NCKAP1L: variants seen among roughly 807,000 people sequenced by gnomAD.
The protein encoded by NCKAP1L is NCK associated protein 1 like, also known as nck-associated protein 1-like.
In NCKAP1L, 53 loss-of-function variants were observed where a neutral mutation model predicts 139.2. That is an observed-to-expected ratio of 0.38 (90% CI 0.31 to 0.48). The LOEUF is 0.48. Ranked by LOEUF, NCKAP1L falls within the 20% of genes least tolerant of loss-of-function variation. The probability of loss-of-function intolerance (pLI) is 0.98; values close to 1 mark genes in which losing one functional copy is unlikely to be tolerated. For missense variants in NCKAP1L, 1,151 were observed against 1,381.9 expected, an observed-to-expected ratio of 0.83 and a Z score of 2.65; for synonymous variants, 468 against 499.7, an observed-to-expected ratio of 0.94 and a Z score of 0.85.
At chr12:54,519,115 CTG>C (rs920276231) in intron 15 of NCKAP1L, 70 bp from the exon 16 acceptor site, 11 of 1,564,208 alleles carry the variant, frequency 7.0e-6, no homozygotes, top group Non-Finnish European at 9.5e-6. Flanking sequence ...TCAGGCCAAA[CTG>C]TAATTCCAAG....
At position 54,531,589 on chromosome 12, in the gene NCKAP1L, G is replaced by A. The variant is rs758792552; in HGVS notation, c.2698+5G>A. ...CCCTGCTGCCCCAGCTGACAGGTAAGCATCCTCTTCCCCTATAGTGAGAAG... is the reference window on the plus strand; with the variant it reads ...CCCTGCTGCCCCAGCTGACAGGTAAACATCCTCTTCCCCTATAGTGAGAAG... On this transcript the variant is annotated splice_donor_5th_base_variant and intron_variant, in intron 24 of 30. Coordinates refer to ENST00000293373, the MANE Select transcript of NCKAP1L (RefSeq NM_005337.5). The A allele has an allele frequency of 6.2e-7, 1 of 1,614,044 alleles. No individual in the cohort carries two copies. The highest frequency in any genetic ancestry group is 1.1e-5 in the South Asian group (1 of 91,084).
chr12:54,519,020 C>T (rs951772661), intron 15 of NCKAP1L, 48 bp downstream of exon 15: 6 of 1,571,718 alleles, frequency 3.8e-6, no homozygotes, highest in Admixed American at 3.4e-5. Flanking sequence ...ATTCTTCCTC[C>T]CCCACAATCC....
chr12:54,536,098 T>G, intron 27 of NCKAP1L, 31 bp from the exon 28 acceptor site: 1 of 1,513,598 alleles, frequency 6.6e-7, no homozygotes, highest in South Asian at 1.1e-5. Context: ...CTTTATTCAC[T>G]TTTCCTCTTT....
At chr12:54,498,434 T>TGTGTGTGTGTGTGTGTGTGTG (rs71070823) in intron 1 of NCKAP1L, among the ~76,000 whole-genome samples, 2 of 149,566 alleles carry the variant, frequency 1.3e-5, no homozygotes, top group African/African-American at 5.0e-5. Flanking sequence ...TGTGTGTGTG[T>TGTGTGTGTGTGTGTGTGTGTG]TTAGAATAGG....
rs1956931379 is a variant in NCKAP1L at position 54,516,350 on chromosome 12, A to C, written c.998+55A>C. On this transcript the variant is annotated intron_variant, in intron 10 of 30. Transcript: ENST00000293373. ...GGGGATGGAATAGGAATCTCTTCTC[A>C]CTTTTGTTCTCACCTAAGCCATCCT... is the stretch of plus-strand genomic sequence containing the variant. The C allele has an allele frequency of 2.9e-5, 45 of 1,549,154 alleles. No homozygotes were observed. The South Asian group carries it at 3.7e-4, about 13-fold the overall frequency.
chr12:54,508,287 C>A (rs1956858698), intron 4 of NCKAP1L, 102 bp from the exon 5 acceptor site: 2 of 1,162,386 alleles, frequency 1.7e-6, no homozygotes, highest in Non-Finnish European at 2.5e-6. Context: ...TAAATAGATT[C>A]ACTCGGAATA....
chr12:54,522,509 G>C (rs955195724), intron 18 of NCKAP1L, among the ~76,000 whole-genome samples: 5 of 152,126 alleles, frequency 3.3e-5, no homozygotes, highest in Admixed American at 2.0e-4. Flanking sequence ...CATTACTAGT[G>C]GAATTACATA....
intron 9 of NCKAP1L, chr12:54,512,338 C>A: frequency 2.6e-6 from 1 of 380,418 alleles, no homozygotes; most frequent in South Asian, 3.7e-5. Context: ...AACTAGATTG[C>A]TTGGGTTTGA....
chr12:54,512,115 A>C lies in NCKAP1L; in HGVS notation c.941+10A>C, dbSNP rs749643468. 1.2e-5 allele frequency: 19 copies of C among 1,613,242 alleles called. No homozygotes were observed. The highest frequency in any genetic ancestry group is 1.7e-5 in the Admixed American group (1 of 59,950). ...TTAGCAGTTTGAAAGGGTGAGAGACACGAGAGCCAAACTGATCTTCCTTGA... is the reference window on the plus strand; with the variant it reads ...TTAGCAGTTTGAAAGGGTGAGAGACCCGAGAGCCAAACTGATCTTCCTTGA... On this transcript the variant is annotated intron_variant, in intron 9 of 30. Transcript: ENST00000293373.
At chr12:54,537,191 C>T in intron 29 of NCKAP1L, 138 bp downstream of exon 29, 1 of 556,552 alleles carries the variant, frequency 1.8e-6, no homozygotes. Context: ...GAGTGAGAAG[C>T]TACTATGTGA....
chr12:54,511,813 A>G lies in NCKAP1L; in HGVS notation c.746A>G (p.Glu249Gly). The G allele has an allele frequency of 6.2e-7, 1 of 1,614,216 alleles. No individual in the cohort carries two copies. The highest frequency in any genetic ancestry group is 8.5e-7 in the Non-Finnish European group (1 of 1,180,028). ...NPANSDTMAC[E>G]YLSVEVMERW... Reference sequence around the variant, plus strand: ...CTTCTCTTCTCACAGATGGCCTGTGAGTATCTGTCTGTGGAAGTAATGGAG... The same window carrying G: ...CTTCTCTTCTCACAGATGGCCTGTGGGTATCTGTCTGTGGAAGTAATGGAG... Residue 249 changes from glutamate (E) to glycine (G), a missense_variant, in exon 8 of 31, where the codon GAG becomes GGG. Transcript: ENST00000293373.
At position 54,499,440 on chromosome 12, in the gene NCKAP1L, C is replaced by T; in HGVS notation, c.188C>T (p.Pro63Leu). Residue 63 changes from proline to leucine, a missense_variant, in exon 2 of 31, where the codon CCC becomes CTC. Pro to Leu is a moderately conservative substitution (Grantham distance 98). Transcript: ENST00000293373. The part of the protein sequence containing the change: ...PSLKYINKKF[P>L]NIDVRNSTQH... ...CTCAAGTATATCAACAAGAAATTTC[C>T]CAACATAGATGTCCGAAACAGCACG... 1 of 1,601,448 alleles carries T rather than the reference C, an allele frequency of 6.2e-7. No individual in the cohort carries two copies. Among genetic ancestry groups the T allele is most frequent in the Non-Finnish European group, 8.6e-7 (1 of 1,168,542 alleles).
chr12:54,521,184 G>T lies in NCKAP1L; in HGVS notation c.1824G>T (p.Gln608His). ...CCTTCCTGGAAGAGTTGGCCAAGCA[G>T]ACCAGCAATTGCGTCCTGGAGATCT... Reference protein sequence around the residue: ...CNSFLEELAKQTSNCVLEICA... With the variant: ...CNSFLEELAKHTSNCVLEICA... The change falls in exon 18 of 31, where the codon CAG becomes CAT. Residue 608 changes from glutamine (Q) to histidine (H), a missense_variant. Gln to His is a conservative substitution (Grantham distance 24). Coordinates refer to ENST00000293373, the MANE Select transcript of NCKAP1L (RefSeq NM_005337.5). The T allele has an allele frequency of 6.2e-7, 1 of 1,614,100 alleles. No homozygotes were observed. Among genetic ancestry groups the T allele is most frequent in the South Asian group, 1.1e-5 (1 of 91,062 alleles).
rs1450538736 is a variant in NCKAP1L at position 54,543,732 on chromosome 12, C to T, written c.*1047C>T. ...ATTAGAATTTCAAGCGTCACAGAGC[C>T]TGGGGGCTTTCAAGATAGCACTAAA... On this transcript the variant is annotated 3_prime_UTR_variant, in exon 31 of 31. Transcript: ENST00000293373. 2 of 152,214 alleles carry T rather than the reference C, an allele frequency of 1.3e-5. No homozygotes were observed. Among genetic ancestry groups the T allele is most frequent in the Admixed American group, 6.5e-5 (1 of 15,288 alleles). The allele number at this position is 152,214 out of a possible 1,614,324, so 9.4% of individuals were successfully genotyped here. A position where few individuals can be genotyped will look rare whatever the true frequency, so the allele number is the denominator to read the frequency against.
intron 3 of NCKAP1L, among the ~76,000 whole-genome samples, chr12:54,506,234 C>T (rs1363236984): frequency 6.6e-6 from 1 of 152,084 alleles, no homozygotes; most frequent in Non-Finnish European, 1.5e-5. Flanking sequence ...TATCTTCCCA[C>T]CAGTAATGTA....
At chr12:54,525,044 A>T (rs1957016400) in intron 20 of NCKAP1L, among the ~76,000 whole-genome samples, 1 of 152,212 alleles carries the variant, frequency 6.6e-6, no homozygotes, top group Admixed American at 6.5e-5. Flanking sequence ...AGGGACATGG[A>T]GAAAGACAGT....
chr12:54,536,944 G>C lies in NCKAP1L; in HGVS notation c.3074G>C (p.Gly1025Ala). Residue 1025 changes from glycine to alanine, a missense_variant and splice_region_variant, in exon 29 of 31, where the codon GGT (glycine) becomes GCT (alanine). Transcript: ENST00000293373. ...PSSFYSIEKD[G>A]YNNNIHCLTK... ...TCCATCTATATCAATAATAACCTAG[G>C]TTACAACAACAATATTCATTGCTTG... 6.2e-7 allele frequency: 1 copy of C among 1,605,646 alleles called. No homozygotes were observed. Among genetic ancestry groups the C allele is most frequent in the African/African-American group, 1.3e-5 (1 of 74,762 alleles).
intron 21 of NCKAP1L, among the ~76,000 whole-genome samples, chr12:54,527,173 T>C (rs146404421): frequency 1.3e-5 from 2 of 152,296 alleles, no homozygotes; most frequent in Non-Finnish European, 2.9e-5. Context: ...GATGTGACTA[T>C]TGTTCTTAAT....
At chr12:54,512,911 A>G (rs1449519368) in intron 9 of NCKAP1L, among the ~76,000 whole-genome samples, 4 of 152,200 alleles carry the variant, frequency 2.6e-5, no homozygotes, top group Admixed American at 2.6e-4. Context: ...TTGAGGCAAC[A>G]AAGAGCATGG....
Sources: allele counts gnomAD v4.1 joint callset (sites outside exome capture counted in the v4.1 genomes callset), GRCh38; gene constraint gnomAD v4.1.1; transcripts MANE v1.5; gene names NCBI Gene and HGNC (gene_info 2026-07-23, HGNC 2026-07-21).